NCOA6: variants seen among roughly 807,000 people sequenced by gnomAD.
The protein encoded by NCOA6 is NRC RAP250.
NCOA6 carries 49 observed loss-of-function variants against 171.4 expected under a neutral mutation model. The ratio of observed to expected loss-of-function variants is 0.29; its 90% CI spans 0.23 to 0.36. The LOEUF is 0.36. Among genes scored for constraint, NCOA6 ranks in the 10% least tolerant of loss-of-function variants. The probability of loss-of-function intolerance (pLI) is 1.00; values close to 1 mark genes in which losing one functional copy is unlikely to be tolerated. For missense variants in NCOA6, 2,248 were observed against 2,554.5 expected, an observed-to-expected ratio of 0.88 and a Z score of 2.59; for synonymous variants, 910 against 927.5, an observed-to-expected ratio of 0.98 and a Z score of 0.34.
At chr20:34,773,298 T>G (rs1031930017) in intron 4 of NCOA6, among the ~76,000 whole-genome samples, 11 of 152,100 alleles carry the variant, frequency 7.2e-5, no homozygotes, top group African/African-American at 2.7e-4. Flanking sequence ...GGGCACAAAA[T>G]GTCCTCAAAA....
At position 34,786,542 on chromosome 20, in the gene NCOA6, T is replaced by A. The variant is rs148670482; in HGVS notation, c.-49-4138A>T. Among the ~76,000 whole-genome samples the A allele has an allele frequency of 1.4e-4, 21 of 152,306 alleles. No individual in the cohort carries two copies. In the East Asian group the frequency reaches 3.9e-3, roughly 28 times the overall value. ...ACACTGTCCCAGAGATTCTGGTATG[T>A]TGTCTCTGTTCTCATTAGTTTCAAA... On this transcript the variant is annotated intron_variant, in intron 2 of 14. Transcript: ENST00000359003.
intron 7 of NCOA6, among the ~76,000 whole-genome samples, chr20:34,756,105 CTTTCT>C (rs1348490270): frequency 2.0e-5 from 3 of 152,136 alleles, no homozygotes; most frequent in Non-Finnish European, 4.4e-5. Flanking sequence ...TGCATTTGTC[CTTTCT>C]TTAACAGTGA....
intron 13 of NCOA6, among the ~76,000 whole-genome samples, chr20:34,729,966 G>C (rs186487823): frequency 4.5e-4 from 69 of 152,280 alleles, no homozygotes; most frequent in Non-Finnish European, 7.9e-4. Flanking sequence ...ACAAGTCAGG[G>C]GGATTTATAC....
Position 34,743,268 on chromosome 20 carries a change from G to A in NCOA6, c.2988C>T (p.Pro996=), listed in dbSNP as rs1346274615. Residue 996 remains proline (P), a synonymous_variant, in exon 11 of 15, where the codon CCC becomes CCT. Coordinates refer to ENST00000359003, the MANE Select transcript of NCOA6 (RefSeq NM_014071.5). ...MPPQLMQHVA[P]PPQPPQQQPQ... Reference sequence around the variant, plus strand: ...GCTGCTGCTGTGGTGGCTGTGGTGGGGGTGCCACATGCTGCATGAGTTGAG... The same window carrying A: ...GCTGCTGCTGTGGTGGCTGTGGTGGAGGTGCCACATGCTGCATGAGTTGAG... 1 of 1,613,938 alleles carries A rather than the reference G, an allele frequency of 6.2e-7. No homozygotes were observed. Among genetic ancestry groups the A allele is most frequent in the African/African-American group, 1.3e-5 (1 of 75,012 alleles).
Position 34,790,500 on chromosome 20 carries a change from A to G in NCOA6, c.-50+1950T>C, listed in dbSNP as rs539416769. Among the ~76,000 whole-genome samples the G allele has an allele frequency of 2.0e-5, 3 of 152,012 alleles. No homozygotes were observed. In the South Asian group the frequency reaches 6.2e-4, roughly 32 times the overall value. Reference sequence around the variant, plus strand: ...CTCCCGAGCAGCTGAGACCACAGGCACCCACCACTACGCCCAGCTAATTTT... The same window carrying G: ...CTCCCGAGCAGCTGAGACCACAGGCGCCCACCACTACGCCCAGCTAATTTT... On this transcript the variant is annotated intron_variant, in intron 2 of 14. Coordinates refer to ENST00000359003, the MANE Select transcript of NCOA6 (RefSeq NM_014071.5).
At chr20:34,802,599 C>CA (rs1254113892) in intron 1 of NCOA6, among the ~76,000 whole-genome samples, 1 of 130,562 alleles carries the variant, frequency 7.7e-6, no homozygotes, top group Non-Finnish European at 1.7e-5. Context: ...GACTCCGTCT[C>CA]AAAAAAAAGA....
At chr20:34,815,453 C>T (rs2078805660) in intron 1 of NCOA6, among the ~76,000 whole-genome samples, 2 of 151,948 alleles carry the variant, frequency 1.3e-5, no homozygotes, top group Admixed American at 1.3e-4. Flanking sequence ...CCCAGTCTTC[C>T]TCAATTCTAT....
chr20:34,775,094 C>CA (rs1444651018), intron 4 of NCOA6, among the ~76,000 whole-genome samples: 5 of 152,100 alleles, frequency 3.3e-5, no homozygotes, highest in Non-Finnish European at 7.4e-5. Flanking sequence ...GACATCAATG[C>CA]AAAGGACCTG....
At chr20:34,793,191 C>A (rs2077951882) in intron 1 of NCOA6, among the ~76,000 whole-genome samples, 1 of 152,056 alleles carries the variant, frequency 6.6e-6, no homozygotes, top group Non-Finnish European at 1.5e-5. Flanking sequence ...TCACTTTAAG[C>A]CTTAGAGCCC....
chr20:34,757,582 T>C lies in NCOA6; in HGVS notation c.1166A>G (p.Asn389Ser), dbSNP rs1166575547. ...GSQQASQAHT[N>S]FPQMSNPGQF... ...GCCTGGGTTGCTCATCTGAGGAAAG[T>C]TTGTGTGGGCTTGTGAGGCTTGCTG... The change falls in exon 7 of 15, where the codon AAC becomes AGC. Residue 389 changes from asparagine to serine, a missense_variant. Asn to Ser is a conservative substitution (Grantham distance 46, BLOSUM62 1). This residue lies in a region of NCOA6 where 987 missense variants were observed against 1,104.7 expected (regional missense o/e 0.89). Transcript: ENST00000359003. 3 of 1,613,772 alleles carry C rather than the reference T, an allele frequency of 1.9e-6. No individual in the cohort carries two copies. Among genetic ancestry groups the C allele is most frequent in the East Asian group, 2.2e-5 (1 of 44,864 alleles).
At chr20:34,725,768 T>A (rs1989889627) in intron 14 of NCOA6, among the ~76,000 whole-genome samples, 2 of 152,046 alleles carry the variant, frequency 1.3e-5, no homozygotes, top group Non-Finnish European at 2.9e-5. Context: ...TTTATTGAGA[T>A]GGGGTACAAT....
intron 11 of NCOA6, among the ~76,000 whole-genome samples, chr20:34,738,573 G>A (rs773009486): frequency 6.6e-6 from 1 of 152,216 alleles, no homozygotes; most frequent in Non-Finnish European, 1.5e-5. Context: ...ACTGTCTCTT[G>A]TAAGAGCAGC....
chr20:34,740,025 G>A (rs921970785), intron 11 of NCOA6, among the ~76,000 whole-genome samples: 1 of 152,020 alleles, frequency 6.6e-6, no homozygotes, highest in Non-Finnish European at 1.5e-5. Context: ...ATCATGCCTG[G>A]CTAATTTTTG....
Position 34,740,418 on chromosome 20 carries a change from C to T in NCOA6, c.5838G>A (p.Ala1946=), listed in dbSNP as rs369960482. Residue 1946 remains alanine (A), a synonymous_variant, in exon 11 of 15, where the codon GCG becomes GCA. Transcript: ENST00000359003. ...NHGGIASESL[A]GGLVEEKVGS... ...CCACCTTCTCCTCCACTAGGCCACC[C>T]GCAAGTGACTCAGATGCTATGCCAC... The T allele has an allele frequency of 2.0e-5, 32 of 1,614,026 alleles. No homozygotes were observed. The African/African-American group carries it at 2.7e-4, about 13-fold the overall frequency.
chr20:34,804,197 C>T (rs145966026), intron 1 of NCOA6, among the ~76,000 whole-genome samples: 4,387 of 151,532 alleles, frequency 0.029, 225 homozygotes, highest in African/African-American at 0.1. Context: ...ATTAGCCGGG[C>T]GTGGTGACAG....
At chr20:34,773,810 C>T (rs2077226342) in intron 4 of NCOA6, among the ~76,000 whole-genome samples, 1 of 152,154 alleles carries the variant, frequency 6.6e-6, no homozygotes, top group African/African-American at 2.4e-5. Context: ...AGGTGTGACC[C>T]ACCGTGGCTG....
chr20:34,801,024 C>T (rs988663211), intron 1 of NCOA6, among the ~76,000 whole-genome samples: 1 of 151,884 alleles, frequency 6.6e-6, no homozygotes, highest in Non-Finnish European at 1.5e-5. Flanking sequence ...TCTATGACCA[C>T]AATAAAACTA....
intron 5 of NCOA6, among the ~76,000 whole-genome samples, chr20:34,764,338 T>A (rs892756650): frequency 2.6e-5 from 4 of 152,112 alleles, no homozygotes; most frequent in Admixed American, 6.5e-5. Context: ...CTGCTCACCT[T>A]GGCCTCCCAA....
chr20:34,750,511 C>T lies in NCOA6; in HGVS notation c.1684G>A (p.Gly562Arg). ...NQNVQHAGGQGAGPPQNQMQV... is the reference protein window; with the variant it reads ...NQNVQHAGGQRAGPPQNQMQV... ...ATCTGGTTTTGAGGAGGACCAGCTC[C>T]TTGACCACCTTAAAAAAAAAAAAAG... is the stretch of plus-strand genomic sequence containing the variant. The change falls in exon 9 of 15, where the codon GGA (glycine) becomes AGA (arginine). Residue 562 changes from glycine (G) to arginine (R), a missense_variant. Physicochemically the swap from Gly to Arg is moderately radical, Grantham distance 125 (BLOSUM62 -2). Coordinates refer to ENST00000359003, the MANE Select transcript of NCOA6 (RefSeq NM_014071.5). 6.4e-7 allele frequency: 1 copy of T among 1,563,230 alleles called. No homozygotes were observed. Among genetic ancestry groups the T allele is most frequent in the Non-Finnish European group, 8.6e-7 (1 of 1,158,508 alleles).
Sources: gnomAD v4.1 joint callset for allele counts (sites outside exome capture counted in the v4.1 genomes callset) on GRCh38, gnomAD v4.1.1 for gene constraint, gnomAD v4.1.1 regional missense constraint, MANE v1.5 for transcripts, NCBI Gene and HGNC (gene_info 2026-07-23, HGNC 2026-07-21) for gene names.